The following AUTS2 variants were observed in gnomAD, a reference collection of about 807,000 sequenced individuals.
The protein encoded by AUTS2 is autism susceptibility gene 2 protein.
A neutral mutation model predicts 112.4 loss-of-function variants in AUTS2; 17 were observed. The ratio of observed to expected loss-of-function variants is 0.15; its 90% CI spans 0.10 to 0.23. AUTS2 has a LOEUF of 0.23. Ranked by LOEUF, AUTS2 falls within the 10% of genes least tolerant of loss-of-function variation. The pLI is 1.00. For missense variants in AUTS2, 1,510 were observed against 1,701.6 expected (o/e 0.89, Z 1.98); for synonymous variants, 751 against 702.7 (o/e 1.07, Z -1.09).
intron 2 of AUTS2, among the ~76,000 whole-genome samples, chr7:69,912,200 G>C (rs1307664601): frequency 6.6e-6 from 1 of 152,214 alleles, no homozygotes; most frequent in Non-Finnish European, 1.5e-5. Context: ...ATCAGAGTGG[G>C]CTCCAGGTAT....
chr7:70,483,753 A>G (rs949362098), intron 5 of AUTS2, among the ~76,000 whole-genome samples: 3 of 152,170 alleles, frequency 2.0e-5, no homozygotes, highest in Admixed American at 2.0e-4. Flanking sequence ...GAGATGTCTC[A>G]TCAGCTCAGA....
chr7:69,815,930 C>G (rs917129684), intron 1 of AUTS2, among the ~76,000 whole-genome samples: 1 of 152,180 alleles, frequency 6.6e-6, no homozygotes, highest in Non-Finnish European at 1.5e-5. Context: ...TCTAAGAGGC[C>G]TGTATCATTA....
chr7:70,148,412 A>G (rs1807250058), intron 4 of AUTS2, among the ~76,000 whole-genome samples: 1 of 152,110 alleles, frequency 6.6e-6, no homozygotes, highest in Non-Finnish European at 1.5e-5. Flanking sequence ...ATCCTTCATC[A>G]TTTCATTGAG....
At chr7:69,646,414 T>C (rs1271987699) in intron 1 of AUTS2, among the ~76,000 whole-genome samples, 2 of 152,214 alleles carry the variant, frequency 1.3e-5, no homozygotes, top group African/African-American at 4.8e-5. Flanking sequence ...TGTAACAATG[T>C]TGAGAGGCTG....
chr7:70,212,616 TA>T (rs1050128012), intron 4 of AUTS2, among the ~76,000 whole-genome samples: 15 of 150,832 alleles, frequency 9.9e-5, no homozygotes, highest in Admixed American at 4.0e-4. Context: ...ATTTTGGCAT[TA>T]AAAAAAAATC....
intron 4 of AUTS2, among the ~76,000 whole-genome samples, chr7:70,327,364 G>T (rs148351356): frequency 6.6e-6 from 1 of 152,254 alleles, no homozygotes; most frequent in African/African-American, 2.4e-5. Context: ...CCAGGAGCAG[G>T]TCTTCTCAAA....
intron 1 of AUTS2, among the ~76,000 whole-genome samples, chr7:69,808,333 T>A (rs1790401274): frequency 2.6e-5 from 4 of 152,324 alleles, no homozygotes; most frequent in Middle Eastern, 3.4e-3. Flanking sequence ...GTATAGTAAT[T>A]TTCATTTTTA....
chr7:70,250,330 A>T (rs11770466), intron 4 of AUTS2, among the ~76,000 whole-genome samples: 12,343 of 152,198 alleles, frequency 0.081, 651 homozygotes, highest in African/African-American at 0.14. Flanking sequence ...AGATAGGGCC[A>T]TGATACCAGA....
At chr7:69,817,143 T>C (rs898247097) in intron 1 of AUTS2, among the ~76,000 whole-genome samples, 3 of 152,240 alleles carry the variant, frequency 2.0e-5, no homozygotes, top group African/African-American at 7.2e-5. Flanking sequence ...TCCACACCAG[T>C]GACAGCACTG....
rs34972760 is a variant in AUTS2 at position 70,716,636 on chromosome 7, C to CAAAAAAAAAAAAAA, written c.742+18032_742+18045dup. On this transcript the variant is annotated intron_variant, in intron 6 of 18. Transcript: ENST00000342771. ...TGGGTGACAGAGCGAGACTCCGTCT[C>CAAAAAAAAAAAAAA]AAAAAAAAAAAAAAAAAAAAAAAAA... is the stretch of plus-strand genomic sequence containing the variant. Among the ~76,000 whole-genome samples the CAAAAAAAAAAAAAA allele has an allele frequency of 1.7e-4, 11 of 64,938 alleles. 2 individuals are homozygous for CAAAAAAAAAAAAAA. The highest frequency in any genetic ancestry group is 5.4e-4 in the Admixed American group (3 of 5,510). 42.6% of individuals were successfully genotyped at this position (64,938 alleles called of 152,430 possible). A position where few individuals can be genotyped will look rare whatever the true frequency, so the allele number is the denominator to read the frequency against.
At chr7:70,315,521 T>C (rs1214739385) in intron 4 of AUTS2, among the ~76,000 whole-genome samples, 1 of 152,204 alleles carries the variant, frequency 6.6e-6, no homozygotes, top group African/African-American at 2.4e-5. Context: ...TTCCCACTGT[T>C]CATGCTCTTA....
intron 4 of AUTS2, among the ~76,000 whole-genome samples, chr7:70,279,116 C>G (rs1788081935): frequency 6.6e-6 from 1 of 152,110 alleles, no homozygotes; most frequent in South Asian, 2.1e-4. Context: ...CCTCTTCTCC[C>G]CCTGCATCTC....
intron 2 of AUTS2, among the ~76,000 whole-genome samples, chr7:70,055,321 C>A (rs1683663705): frequency 6.6e-6 from 1 of 152,102 alleles, no homozygotes; most frequent in Non-Finnish European, 1.5e-5. Context: ...GTAATCCCAG[C>A]TACGTGGGAG....
intron 5 of AUTS2, among the ~76,000 whole-genome samples, chr7:70,674,888 G>A (rs1807829584): frequency 6.6e-6 from 1 of 152,198 alleles, no homozygotes; most frequent in Non-Finnish European, 1.5e-5. Flanking sequence ...AGATCCCATT[G>A]CAACCAATTG....
rs137857199 is a variant in AUTS2 at position 69,907,939 on chromosome 7, A to C, written c.522+8441A>C. Among the ~76,000 whole-genome samples the C allele has an allele frequency of 2.8e-3, 433 of 152,308 alleles. 1 individual carries two copies. Among genetic ancestry groups the C allele is most frequent in the Middle Eastern group, 0.01 (3 of 294 alleles). On this transcript the variant is annotated intron_variant, in intron 2 of 18. Transcript: ENST00000342771. ...TGCTAAAGCATTAGTAGCATTACTG[A>C]AATGGTAGCTTTTGTAAATGTTTAT...
intron 2 of AUTS2, among the ~76,000 whole-genome samples, chr7:70,106,048 C>A (rs1391414558): frequency 6.6e-6 from 1 of 152,168 alleles, no homozygotes; most frequent in Non-Finnish European, 1.5e-5. Context: ...ATTCATGGTT[C>A]TCTTTACGTT....
At chr7:69,611,667 A>C (rs192639915) in intron 1 of AUTS2, among the ~76,000 whole-genome samples, 1 of 151,466 alleles carries the variant, frequency 6.6e-6, no homozygotes, top group Admixed American at 6.6e-5. Context: ...GCGGTGGCTC[A>C]CGCCTGTAAT....
chr7:70,741,138 A>T (rs1330632836), intron 6 of AUTS2, among the ~76,000 whole-genome samples: 2 of 151,856 alleles, frequency 1.3e-5, no homozygotes, highest in Non-Finnish European at 2.9e-5. Context: ...TTTCCCTGGG[A>T]TGACTGTTGA....
At chr7:70,465,335 T>G (rs759564543) in intron 5 of AUTS2, among the ~76,000 whole-genome samples, 3 of 152,144 alleles carry the variant, frequency 2.0e-5, no homozygotes, top group Non-Finnish European at 4.4e-5. Flanking sequence ...AACCTCTCAG[T>G]AGGAGAGGTT....
Sources: allele counts gnomAD v4.1 joint callset (sites outside exome capture counted in the v4.1 genomes callset), GRCh38; gene constraint gnomAD v4.1.1; transcripts MANE v1.5; gene names NCBI Gene and HGNC (gene_info 2026-07-23, HGNC 2026-07-21).